Variants in KIAA1217 observed in about 807,000 individuals in gnomAD.
KIAA1217 encodes the protein sickle tail protein homolog.
A neutral mutation model predicts 163.9 loss-of-function variants in KIAA1217; 88 were observed. The ratio of observed to expected loss-of-function variants is 0.54; its 90% confidence interval spans 0.45 to 0.64. The LOEUF (loss-of-function observed/expected upper bound fraction) is 0.64, where lower values mean the gene tolerates loss of function less well. Among genes scored for constraint, KIAA1217 ranks in the 30% least tolerant of loss-of-function variants. The pLI is 0.00. For synonymous variants in KIAA1217, 903 were observed against 923.1 expected, an observed-to-expected ratio of 0.98 and a Z score of 0.39; for missense variants, 2,372 against 2,475.0, an observed-to-expected ratio of 0.96 and a Z score of 0.88.
At chr10:23,696,544 A>G (rs1836055405) in intron 1 of KIAA1217, among the ~76,000 whole-genome samples, 1 of 152,162 alleles carries the variant, frequency 6.6e-6, no homozygotes, top group African/African-American at 2.4e-5. Context: ...TCCCTCCCAT[A>G]CACTTTATGG....
intron 3 of KIAA1217, among the ~76,000 whole-genome samples, chr10:24,403,909 A>G (rs1315443904): frequency 6.6e-6 from 1 of 152,214 alleles, no homozygotes; most frequent in Non-Finnish European, 1.5e-5. Flanking sequence ...GCTGGTGGAA[A>G]TGTAAAATGG....
chr10:23,787,153 C>T (rs980996232), intron 1 of KIAA1217, among the ~76,000 whole-genome samples: 16 of 152,070 alleles, frequency 1.1e-4, no homozygotes, highest in Non-Finnish European at 1.5e-4. Flanking sequence ...CAATTTCCTC[C>T]TCTTTATGAA....
chr10:23,739,754 G>A (rs538017704), intron 1 of KIAA1217, among the ~76,000 whole-genome samples: 16 of 152,176 alleles, frequency 1.1e-4, no homozygotes, highest in Admixed American at 2.6e-4. Flanking sequence ...GGAGACCCGG[G>A]ACGAGGCTCC....
At chr10:24,126,538 G>A (rs2063479472) in intron 2 of KIAA1217, among the ~76,000 whole-genome samples, 1 of 152,016 alleles carries the variant, frequency 6.6e-6, no homozygotes, top group Non-Finnish European at 1.5e-5. Context: ...CATGAAATTT[G>A]TAATTTGGGA....
intron 1 of KIAA1217, among the ~76,000 whole-genome samples, chr10:23,817,695 C>T (rs780559732): frequency 3.3e-5 from 5 of 151,884 alleles, no homozygotes; most frequent in Non-Finnish European, 5.9e-5. Context: ...AGAGAAGAAA[C>T]ATTTCAATGA....
At chr10:24,260,009 G>A (rs2075568689) in intron 2 of KIAA1217, among the ~76,000 whole-genome samples, 1 of 152,180 alleles carries the variant, frequency 6.6e-6, no homozygotes. Flanking sequence ...TTAAAATTCA[G>A]TCCTGGAGAT....
At chr10:24,301,316 T>C (rs2041302836) in intron 2 of KIAA1217, among the ~76,000 whole-genome samples, 1 of 152,186 alleles carries the variant, frequency 6.6e-6, no homozygotes, top group Non-Finnish European at 1.5e-5. Context: ...AAAAAAGCCC[T>C]AAAAATGCCT....
Position 24,525,484 on chromosome 10 carries a change from A to C in KIAA1217, c.2898+720A>C, listed in dbSNP as rs147342446. Among the ~76,000 whole-genome samples the C allele has an allele frequency of 1.6e-4, 24 of 152,268 alleles. No homozygotes were observed. In the East Asian group the frequency reaches 4.1e-3, roughly 26 times the overall value. ...TTGAAAAACAGTCCATGATGTTTGG[A>C]GTTTATTTGGAAGGTATCAGAGAAA... On this transcript the variant is annotated intron_variant, in intron 13 of 20. Coordinates refer to ENST00000376454, the MANE Select transcript of KIAA1217 (RefSeq NM_019590.5).
At chr10:24,077,291 C>G (rs555345568) in intron 2 of KIAA1217, among the ~76,000 whole-genome samples, 1 of 152,292 alleles carries the variant, frequency 6.6e-6, no homozygotes, top group African/African-American at 2.4e-5. Flanking sequence ...CACCCAGTTA[C>G]TAAGCCCTGC....
At chr10:24,377,705 T>G (rs1044034294) in intron 2 of KIAA1217, among the ~76,000 whole-genome samples, 1 of 152,164 alleles carries the variant, frequency 6.6e-6, no homozygotes, top group Non-Finnish European at 1.5e-5. Flanking sequence ...AAATATTTCT[T>G]TAGAAATTTT....
chr10:23,825,996 A>T (rs1293632229), intron 1 of KIAA1217, among the ~76,000 whole-genome samples: 1 of 152,178 alleles, frequency 6.6e-6, no homozygotes, highest in African/African-American at 2.4e-5. Context: ...GAGATAAAAA[A>T]TTGTTAGTTA....
intron 1 of KIAA1217, among the ~76,000 whole-genome samples, chr10:23,834,393 C>G (rs140090155): frequency 4.9e-4 from 75 of 152,090 alleles, no homozygotes; most frequent in Non-Finnish European, 9.1e-4. Flanking sequence ...TTATTCATTA[C>G]TTTTATAATA....
At chr10:24,141,997 G>T (rs1380177008) in intron 2 of KIAA1217, among the ~76,000 whole-genome samples, 1 of 151,896 alleles carries the variant, frequency 6.6e-6, no homozygotes, top group Non-Finnish European at 1.5e-5. Context: ...AGCCCAAACA[G>T]GTAAAGACAC....
chr10:24,076,698 G>A (rs190594702), intron 2 of KIAA1217, among the ~76,000 whole-genome samples: 1 of 152,194 alleles, frequency 6.6e-6, no homozygotes, highest in African/African-American at 2.4e-5. Context: ...TCCATGCTCT[G>A]CTCTGTCCTA....
chr10:24,067,127 C>T (rs1011801590), intron 2 of KIAA1217, among the ~76,000 whole-genome samples: 1 of 152,154 alleles, frequency 6.6e-6, no homozygotes, highest in African/African-American at 2.4e-5. Flanking sequence ...TCTTCTGAAG[C>T]CTTCCTCTCT....
intron 9 of KIAA1217, among the ~76,000 whole-genome samples, chr10:24,501,827 C>A (rs927231640): frequency 2.1e-5 from 3 of 143,894 alleles, no homozygotes; most frequent in African/African-American, 7.6e-5. Flanking sequence ...CGGCTCACTG[C>A]AAGCTCCGTC....
rs771059652 is a variant in KIAA1217 at position 24,536,899 on chromosome 10, G to A, written c.3534+6G>A. On this transcript the variant is annotated splice_donor_region_variant and intron_variant, in intron 17 of 20. Transcript: ENST00000376454. ...TGCCACCCAAGGAGAAGAAGGTAAC[G>A]TGGCAACTGCACATTTGCCACACGG... 62 of 1,613,394 alleles carry A rather than the reference G, an allele frequency of 3.8e-5. No homozygotes were observed. The highest frequency in any genetic ancestry group is 1.0e-4 in the Admixed American group (6 of 59,950).
intron 10 of KIAA1217, among the ~76,000 whole-genome samples, chr10:24,518,634 A>C (rs2070589915): frequency 6.6e-6 from 1 of 152,226 alleles, no homozygotes; most frequent in Admixed American, 6.5e-5. Context: ...TCCAGTCAAT[A>C]CAGGGAAGTC....
At chr10:24,351,351 C>G (rs1195100610) in intron 2 of KIAA1217, among the ~76,000 whole-genome samples, 3 of 152,148 alleles carry the variant, frequency 2.0e-5, no homozygotes, top group African/African-American at 7.2e-5. Flanking sequence ...TCTTCCCTGC[C>G]CTGGGCTTTA....
Sources: allele counts gnomAD v4.1 joint callset (sites outside exome capture counted in the v4.1 genomes callset), GRCh38; gene constraint gnomAD v4.1.1; transcripts MANE v1.5; gene names NCBI Gene and HGNC (gene_info 2026-07-23, HGNC 2026-07-21).